CHSY3: variants seen among roughly 807,000 people sequenced by gnomAD.
CHSY3 encodes the protein chondroitin sulfate synthase 3.
A neutral mutation model predicts 67.2 loss-of-function variants in CHSY3; 35 were observed. The observed-to-expected ratio is 0.52, with a 90% CI of 0.40 to 0.69. The LOEUF is 0.69. CHSY3 is among the 30% of genes least tolerant of loss of function. CHSY3 has a pLI of 0.00. For synonymous variants in CHSY3, 474 were observed against 434.7 expected (o/e 1.09, Z -1.12); for missense variants, 1,069 against 1,138.5 (o/e 0.94, Z 0.88).
chr5:129,963,626 G>A (rs1455426955), intron 2 of CHSY3, among the ~76,000 whole-genome samples: 3 of 151,916 alleles, frequency 2.0e-5, no homozygotes, highest in African/African-American at 7.2e-5. Context: ...AGTTGTGTTT[G>A]GGACAAAGCC....
chr5:130,174,235 C>T (rs902898258), intron 2 of CHSY3, among the ~76,000 whole-genome samples: 1 of 151,822 alleles, frequency 6.6e-6, no homozygotes, highest in African/African-American at 2.4e-5. Context: ...CCAAATCCTC[C>T]TTAATCTCAT....
At chr5:130,061,827 A>G (rs941124686) in intron 2 of CHSY3, among the ~76,000 whole-genome samples, 4 of 152,148 alleles carry the variant, frequency 2.6e-5, no homozygotes, top group African/African-American at 9.7e-5. Flanking sequence ...TCATCAGAGA[A>G]ATGCAAACTA....
At chr5:130,063,017 T>G (rs1317186966) in intron 2 of CHSY3, among the ~76,000 whole-genome samples, 2 of 152,154 alleles carry the variant, frequency 1.3e-5, no homozygotes, top group Non-Finnish European at 2.9e-5. Flanking sequence ...AGCATTCTTT[T>G]CTTTCTTGCA....
At chr5:130,012,210 C>T (rs951156803) in intron 2 of CHSY3, among the ~76,000 whole-genome samples, 7 of 152,100 alleles carry the variant, frequency 4.6e-5, no homozygotes, top group African/African-American at 9.7e-5. Flanking sequence ...CAAATGCTGC[C>T]GTAAGCAAAA....
chr5:129,989,222 C>T (rs1181753565), intron 2 of CHSY3, among the ~76,000 whole-genome samples: 2 of 147,832 alleles, frequency 1.4e-5, no homozygotes, highest in Non-Finnish European at 3.0e-5. Context: ...AGAGGAAAGG[C>T]AAAAAGGATG....
At chr5:129,948,119 A>C (rs1761914281) in intron 2 of CHSY3, among the ~76,000 whole-genome samples, 1 of 152,174 alleles carries the variant, frequency 6.6e-6, no homozygotes, top group Admixed American at 6.6e-5. Context: ...GACAAAACTG[A>C]ACTAGACTAA....
intron 2 of CHSY3, among the ~76,000 whole-genome samples, chr5:130,175,767 A>G (rs184910734): frequency 4.6e-5 from 7 of 152,314 alleles, no homozygotes; most frequent in East Asian, 1.9e-4. Context: ...AGGATTCCCT[A>G]TTTTGTAAAT....
chr5:129,945,207 A>C (rs1474867575), intron 2 of CHSY3, among the ~76,000 whole-genome samples: 1 of 152,184 alleles, frequency 6.6e-6, no homozygotes, highest in Non-Finnish European at 1.5e-5. Context: ...ACTGCCCTGG[A>C]TATTGTAGTG....
chr5:130,079,097 C>A (rs2149685734), intron 2 of CHSY3, among the ~76,000 whole-genome samples: 1 of 152,196 alleles, frequency 6.6e-6, no homozygotes, highest in African/African-American at 2.4e-5. Context: ...ATCAAGAGCT[C>A]CTGTATTTGA....
At chr5:130,109,062 C>A (rs1767508620) in intron 2 of CHSY3, among the ~76,000 whole-genome samples, 1 of 151,598 alleles carries the variant, frequency 6.6e-6, no homozygotes, top group Non-Finnish European at 1.5e-5. Flanking sequence ...CTATAGTTTA[C>A]ATTTACAGGC....
At chr5:130,046,960 T>A (rs540306897) in intron 2 of CHSY3, among the ~76,000 whole-genome samples, 1 of 151,570 alleles carries the variant, frequency 6.6e-6, no homozygotes, top group African/African-American at 2.4e-5. Flanking sequence ...TAAAATAAAT[T>A]AAAATTTAAA....
chr5:130,053,712 A>C (rs986582446), intron 2 of CHSY3, among the ~76,000 whole-genome samples: 3 of 152,194 alleles, frequency 2.0e-5, no homozygotes, highest in African/African-American at 7.2e-5. Context: ...ATATGGCCAG[A>C]AAAGGGAAGA....
intron 2 of CHSY3, among the ~76,000 whole-genome samples, chr5:129,950,337 T>G (rs1761990555): frequency 6.6e-6 from 1 of 152,060 alleles, no homozygotes; most frequent in Admixed American, 6.6e-5. Context: ...AGTGAAAAAC[T>G]TAGTTTTTCC....
chr5:130,098,149 A>C (rs1296307560), intron 2 of CHSY3, among the ~76,000 whole-genome samples: 1 of 152,186 alleles, frequency 6.6e-6, no homozygotes, highest in African/African-American at 2.4e-5. Context: ...TCAGGATACA[A>C]AACATTTTCA....
In CHSY3 at chr5:130,174,035, T is replaced by C. The variant is rs570291955; in HGVS notation, c.1087-10194T>C. 2.0e-5 allele frequency among the ~76,000 whole-genome samples: 3 copies of C among 152,208 alleles called. No individual in the cohort carries two copies. The South Asian group carries it at 6.2e-4, about 32-fold the overall frequency. The stretch of plus-strand genomic sequence containing the variant: ...TCATTAAGGACAATAAGACTCTCCA[T>C]TTAGTTACATAACTAAATCATCAAC... On this transcript the variant is annotated intron_variant, in intron 2 of 2. Coordinates refer to ENST00000305031, the MANE Select transcript of CHSY3 (RefSeq NM_175856.5).
intron 2 of CHSY3, among the ~76,000 whole-genome samples, chr5:129,927,819 T>C (rs1761167098): frequency 6.6e-6 from 1 of 152,016 alleles, no homozygotes; most frequent in Admixed American, 6.6e-5. Context: ...TTTAAAGGAT[T>C]GGAGTGGTTA....
intron 2 of CHSY3, among the ~76,000 whole-genome samples, chr5:130,174,865 G>T (rs956008464): frequency 6.6e-6 from 1 of 152,114 alleles, no homozygotes; most frequent in African/African-American, 2.4e-5. Context: ...TTTAGAGCCT[G>T]GCTCCATCCA....
intron 2 of CHSY3, among the ~76,000 whole-genome samples, chr5:129,913,404 A>G (rs1327487304): frequency 1.3e-5 from 2 of 152,232 alleles, no homozygotes; most frequent in African/African-American, 4.8e-5. Flanking sequence ...GGAAGAGTTA[A>G]TATGTTACAA....
chr5:129,941,356 T>C (rs1397795233), intron 2 of CHSY3, among the ~76,000 whole-genome samples: 3 of 152,178 alleles, frequency 2.0e-5, no homozygotes, highest in African/African-American at 4.8e-5. Flanking sequence ...TAAATCAATA[T>C]CAAAATCATA....
Sources: gnomAD v4.1 joint callset for allele counts (sites outside exome capture counted in the v4.1 genomes callset) on GRCh38, gnomAD v4.1.1 for gene constraint, MANE v1.5 for transcripts, NCBI Gene and HGNC (gene_info 2026-07-23, HGNC 2026-07-21) for gene names.